Variants in PAK1 observed in about 807,000 individuals in gnomAD.
PAK1 encodes p21 (RAC1) activated kinase 1.
Under a neutral mutation model 67.4 loss-of-function variants are expected in PAK1, and 29 were observed. That is an observed-to-expected ratio of 0.43 (90% CI 0.32 to 0.59). PAK1 has a LOEUF of 0.59. PAK1 is among the 20% of genes least tolerant of loss of function. The pLI, the probability that PAK1 is intolerant of heterozygous loss-of-function variation, is 0.07. For synonymous variants in PAK1, 223 were observed against 237.4 expected (o/e 0.94, Z 0.56); for missense variants, 337 against 670.7 (o/e 0.50, Z 5.50).
chr11:77,460,659 C>T (rs548778033), intron 1 of PAK1, among the ~76,000 whole-genome samples: 35 of 151,278 alleles, frequency 2.3e-4, no homozygotes, highest in Non-Finnish European at 4.0e-4. Context: ...TGCCATAAAG[C>T]GAGATTTCTA....
At chr11:77,347,784 A>G (rs983993292) in intron 9 of PAK1, among the ~76,000 whole-genome samples, 2 of 152,240 alleles carry the variant, frequency 1.3e-5, no homozygotes, top group African/African-American at 4.8e-5. Context: ...ATGAATAAAT[A>G]TGAATATGTA....
the PAK1 span, among the ~76,000 whole-genome samples, chr11:77,497,954 T>C: frequency 6.6e-6 from 1 of 152,228 alleles, no homozygotes; most frequent in Non-Finnish European, 1.5e-5. Context: ...AAATACATCC[T>C]ACATATGTAG....
At chr11:77,367,289 A>T (rs1947732344) in intron 5 of PAK1, among the ~76,000 whole-genome samples, 1 of 152,210 alleles carries the variant, frequency 6.6e-6, no homozygotes, top group African/African-American at 2.4e-5. Flanking sequence ...ACCACCAATG[A>T]GCTTAAAATT....
At chr11:77,526,372 A>G in the PAK1 span, among the ~76,000 whole-genome samples, 3 of 152,234 alleles carry the variant, frequency 2.0e-5, no homozygotes, top group Non-Finnish European at 4.4e-5. Flanking sequence ...CAAAAGATAC[A>G]TGACACATAG....
At position 77,323,039 on chromosome 11, in the gene PAK1, C is replaced by T. The variant is rs1938756676; in HGVS notation, c.*235G>A. 1 of 751,536 alleles carries T rather than the reference C, an allele frequency of 1.3e-6. No individual in the cohort carries two copies. The highest frequency in any genetic ancestry group is 1.7e-5 in the African/African-American group (1 of 57,980). The allele number at this position is 751,536 out of a possible 1,614,324, so 46.6% of individuals were successfully genotyped here. On this transcript the variant is annotated 3_prime_UTR_variant, in exon 15 of 15. Coordinates refer to ENST00000356341, the MANE Select transcript of PAK1 (RefSeq NM_002576.5). ...CTTAATCATAAACCACCCTCATATC[C>T]ATGAATTGGGAGGAAATTCCTTATT...
intron 1 of PAK1, among the ~76,000 whole-genome samples, chr11:77,466,300 T>C (rs1957590640): frequency 6.6e-6 from 1 of 152,074 alleles, no homozygotes; most frequent in Non-Finnish European, 1.5e-5. Context: ...TACACAGTAA[T>C]AATTTTTAAA....
intron 1 of PAK1, among the ~76,000 whole-genome samples, chr11:77,423,666 T>G (rs1263157367): frequency 6.6e-6 from 1 of 152,166 alleles, no homozygotes; most frequent in African/African-American, 2.4e-5. Context: ...CATTATTAGT[T>G]AAAGTAGGGG....
chr11:77,487,361 C>T, the PAK1 span, among the ~76,000 whole-genome samples: 1 of 152,016 alleles, frequency 6.6e-6, no homozygotes, highest in African/African-American at 2.4e-5. Flanking sequence ...GTGCTGGCTT[C>T]AGGTGTAAAC....
chr11:77,331,444 A>C (rs1182647737), intron 14 of PAK1, among the ~76,000 whole-genome samples: 2 of 152,248 alleles, frequency 1.3e-5, no homozygotes, highest in Non-Finnish European at 2.9e-5. Context: ...ACCATGGAAT[A>C]CTATGCAGCC....
intron 1 of PAK1, among the ~76,000 whole-genome samples, chr11:77,452,562 C>CTA (rs1188664471): frequency 2.0e-5 from 3 of 152,088 alleles, no homozygotes; most frequent in Non-Finnish European, 2.9e-5. Flanking sequence ...AGCAACCCAA[C>CTA]TAGTCTATGA....
chr11:77,337,270 G>T, intron 12 of PAK1, 54 bp downstream of exon 12: 1 of 867,012 alleles, frequency 1.2e-6, no homozygotes, highest in Non-Finnish European at 1.9e-6. Context: ...CATCTCACAG[G>T]AGACAGGGCC....
chr11:77,392,444 G>A lies in PAK1; in HGVS notation c.77C>T (p.Ala26Val), dbSNP rs1048521. Residue 26 changes from alanine to valine, a missense_variant, in exon 2 of 15, where the codon GCC becomes GTC. Around this residue, in one of 8 missense-constraint regions of PAK1, gnomAD observed 27 missense variants for 37.0 expected, o/e 0.73. Coordinates refer to ENST00000356341, the MANE Select transcript of PAK1 (RefSeq NM_002576.5). ...TAGGGTTCCAGCATCTTTGCTGCCG[G>A]CTCCAATCATAGTGCTGGTATTTCT... is the stretch of plus-strand genomic sequence containing the variant. ...PMRNTSTMIGAGSKDAGTLNH... is the reference protein window; with the variant it reads ...PMRNTSTMIGVGSKDAGTLNH... The A allele has an allele frequency of 2.5e-6, 4 of 1,613,836 alleles. No individual in the cohort carries two copies. Among genetic ancestry groups the A allele is most frequent in the African/African-American group, 1.3e-5 (1 of 74,890 alleles).
At chr11:77,396,422 T>C (rs1455632537) in intron 1 of PAK1, among the ~76,000 whole-genome samples, 1 of 152,168 alleles carries the variant, frequency 6.6e-6, no homozygotes, top group Admixed American at 6.5e-5. Context: ...TTGCTTTCCC[T>C]TTCACCCCTC....
At chr11:77,518,517 G>A in the PAK1 span, among the ~76,000 whole-genome samples, 2 of 152,180 alleles carry the variant, frequency 1.3e-5, no homozygotes, top group Admixed American at 1.3e-4. Flanking sequence ...AGTGTAATTA[G>A]TATGTTTTTT....
At chr11:77,380,722 G>T (rs889838528) in intron 2 of PAK1, among the ~76,000 whole-genome samples, 1 of 152,146 alleles carries the variant, frequency 6.6e-6, no homozygotes, top group Non-Finnish European at 1.5e-5. Context: ...ATACCAGACT[G>T]AATTCTAAGT....
At chr11:77,334,295 G>A (rs1307276370) in intron 13 of PAK1, among the ~76,000 whole-genome samples, 1 of 152,196 alleles carries the variant, frequency 6.6e-6, no homozygotes, top group African/African-American at 2.4e-5. Flanking sequence ...TTCTAAGGGA[G>A]GGAAGAGTAT....
At chr11:77,427,663 T>C (rs1197347970) in intron 1 of PAK1, among the ~76,000 whole-genome samples, 3 of 152,114 alleles carry the variant, frequency 2.0e-5, no homozygotes, top group Non-Finnish European at 2.9e-5. Context: ...ATGCCCTGTG[T>C]TGAGTGCATT....
chr11:77,322,591 T>C lies in PAK1; in HGVS notation c.*683A>G, dbSNP rs1233996193. The C allele has an allele frequency of 3.4e-5, 7 of 207,948 alleles. No individual in the cohort carries two copies. The highest frequency in any genetic ancestry group is 1.4e-4 in the African/African-American group (6 of 43,158). The allele number at this position is 207,948 out of a possible 1,614,324, so 12.9% of individuals were successfully genotyped here. On this transcript the variant is annotated 3_prime_UTR_variant, in exon 15 of 15. Coordinates refer to ENST00000356341, the MANE Select transcript of PAK1 (RefSeq NM_002576.5). Reference sequence around the variant, plus strand: ...AGGATAGGGGCAGCAGCCTAGGGTATGCAGGGAATCAAAAGCTGCTACATA... The same window carrying C: ...AGGATAGGGGCAGCAGCCTAGGGTACGCAGGGAATCAAAAGCTGCTACATA...
intron 1 of PAK1, among the ~76,000 whole-genome samples, chr11:77,424,188 T>C (rs918732881): frequency 1.3e-5 from 2 of 152,192 alleles, no homozygotes; most frequent in Admixed American, 1.3e-4. Flanking sequence ...CAAACAACAA[T>C]GCCACTTCAG....
Sources: gnomAD v4.1 joint callset for allele counts (sites outside exome capture counted in the v4.1 genomes callset) on GRCh38, gnomAD v4.1.1 for gene constraint, gnomAD v4.1.1 regional missense constraint, MANE v1.5 for transcripts, NCBI Gene and HGNC (gene_info 2026-07-23, HGNC 2026-07-21) for gene names.